The following RSRC1 variants were observed in gnomAD, a reference collection of about 807,000 sequenced individuals.
RSRC1 encodes arginine and serine rich coiled-coil 1, also known as serine/Arginine-related protein 53.
Under a neutral mutation model 49.1 loss-of-function variants are expected in RSRC1, and 39 were observed. The observed-to-expected ratio is 0.79, with a 90% CI of 0.61 to 1.04. The LOEUF is 1.04. RSRC1 is among the 50% of genes least tolerant of loss of function. The probability of loss-of-function intolerance (pLI) is 0.00; values close to 1 mark genes in which losing one functional copy is unlikely to be tolerated. For synonymous variants in RSRC1, 143 were observed against 130.8 expected, an observed-to-expected ratio of 1.09 and a Z score of -0.63; for missense variants, 388 against 402.4, an observed-to-expected ratio of 0.96 and a Z score of 0.31.
At chr3:158,332,094 A>C (rs1306438659) in intron 5 of RSRC1, among the ~76,000 whole-genome samples, 1 of 152,130 alleles carries the variant, frequency 6.6e-6, no homozygotes, top group African/African-American at 2.4e-5. Flanking sequence ...TGATTGTTTT[A>C]GAATGAAAGC....
At chr3:158,197,143 G>T (rs1473412376) in intron 3 of RSRC1, among the ~76,000 whole-genome samples, 1 of 152,084 alleles carries the variant, frequency 6.6e-6, no homozygotes, top group Non-Finnish European at 1.5e-5. Flanking sequence ...GACTGTTTTT[G>T]GTTGGTAAGC....
chr3:158,296,595 C>T (rs1578303553), intron 4 of RSRC1, among the ~76,000 whole-genome samples: 1 of 151,738 alleles, frequency 6.6e-6, no homozygotes, highest in African/African-American at 2.4e-5. Flanking sequence ...CTTCCAGCTC[C>T]GATAAATGCA....
intron 3 of RSRC1, among the ~76,000 whole-genome samples, chr3:158,174,980 T>G (rs1719115868): frequency 6.6e-6 from 1 of 152,064 alleles, no homozygotes; most frequent in South Asian, 2.1e-4. Flanking sequence ...CTGCCAACAT[T>G]TGCTATTGTC....
Position 158,203,148 on chromosome 3 carries a change from T to C in RSRC1, c.397T>C (p.Ser133Pro). 6.2e-7 allele frequency: 1 copy of C among 1,613,768 alleles called. No homozygotes were observed. The highest frequency in any genetic ancestry group is 8.5e-7 in the Non-Finnish European group (1 of 1,179,868). ...RSSHRRTRSRSRDRERRKGRD... is the reference protein window; with the variant it reads ...RSSHRRTRSRPRDRERRKGRD... ...CAGTCACAGAAGAACGCGTAGTCGG[T>C]CTCGGGATAGAGAACGACGTAAGGG... is the stretch of plus-strand genomic sequence containing the variant. The change falls in exon 4 of 10, where the codon TCT becomes CCT. Residue 133 changes from serine to proline, a missense_variant. Physicochemically the swap from Ser to Pro is moderately conservative, Grantham distance 74. Transcript: ENST00000611884.
At chr3:158,237,873 T>C (rs1171313377) in intron 4 of RSRC1, among the ~76,000 whole-genome samples, 1 of 152,212 alleles carries the variant, frequency 6.6e-6, no homozygotes, top group Non-Finnish European at 1.5e-5. Flanking sequence ...AGGGCATTGC[T>C]GTCTTGTGCC....
At chr3:158,264,527 G>C (rs958178818) in intron 4 of RSRC1, among the ~76,000 whole-genome samples, 1 of 152,136 alleles carries the variant, frequency 6.6e-6, no homozygotes, top group African/African-American at 2.4e-5. Context: ...GGGTCACGCA[G>C]GTTGATGGTG....
At chr3:158,338,357 G>A (rs1022977700) in intron 5 of RSRC1, among the ~76,000 whole-genome samples, 1 of 152,134 alleles carries the variant, frequency 6.6e-6, no homozygotes, top group South Asian at 2.1e-4. Context: ...TTGGTACTAA[G>A]TTCTAGAGGC....
intron 3 of RSRC1, among the ~76,000 whole-genome samples, chr3:158,150,635 T>C (rs541439410): frequency 6.6e-6 from 1 of 152,274 alleles, no homozygotes; most frequent in East Asian, 1.9e-4. Flanking sequence ...TGTAAGAGAC[T>C]ATAAGAGAGG....
chr3:158,180,666 C>T (rs1719545728), intron 3 of RSRC1, among the ~76,000 whole-genome samples: 1 of 151,350 alleles, frequency 6.6e-6, no homozygotes, highest in Non-Finnish European at 1.5e-5. Context: ...GGGGTTTCGC[C>T]ATGTCGTCCA....
intron 1 of RSRC1, among the ~76,000 whole-genome samples, chr3:158,121,878 T>A (rs1715282650): frequency 1.3e-5 from 2 of 152,124 alleles, no homozygotes; most frequent in Admixed American, 1.3e-4. Context: ...TGGTGGCTCA[T>A]GCCTGTAGTC....
At chr3:158,131,380 C>T (rs895917411) in intron 3 of RSRC1, among the ~76,000 whole-genome samples, 2 of 151,894 alleles carry the variant, frequency 1.3e-5, no homozygotes, top group African/African-American at 4.8e-5. Context: ...TTGGTTGTCA[C>T]TTATCTCTTG....
At chr3:158,196,430 A>G (rs530915306) in intron 3 of RSRC1, among the ~76,000 whole-genome samples, 2 of 152,340 alleles carry the variant, frequency 1.3e-5, no homozygotes, top group East Asian at 1.9e-4. Context: ...TAGATATACA[A>G]TCACGTCATC....
chr3:158,144,529 T>G (rs947057416), intron 3 of RSRC1, among the ~76,000 whole-genome samples: 3 of 152,226 alleles, frequency 2.0e-5, no homozygotes, highest in African/African-American at 7.2e-5. Context: ...TAATCCAGTC[T>G]ATCACTGATG....
chr3:158,525,830 C>A (rs1306320072), intron 7 of RSRC1, among the ~76,000 whole-genome samples: 1 of 151,842 alleles, frequency 6.6e-6, no homozygotes, highest in African/African-American at 2.4e-5. Flanking sequence ...CTAGAAAATG[C>A]AGACTAATCT....
At chr3:158,409,303 T>A (rs893194690) in intron 6 of RSRC1, among the ~76,000 whole-genome samples, 10 of 152,150 alleles carry the variant, frequency 6.6e-5, no homozygotes, top group African/African-American at 1.9e-4. Context: ...AATGCTGCAT[T>A]TGAATTCACA....
intron 7 of RSRC1, among the ~76,000 whole-genome samples, chr3:158,506,443 G>A (rs1011247825): frequency 2.6e-5 from 4 of 151,908 alleles, no homozygotes; most frequent in South Asian, 2.1e-4. Context: ...AGGGAGGTGG[G>A]TATTTAGAGA....
At chr3:158,181,888 T>C (rs1048406948) in intron 3 of RSRC1, among the ~76,000 whole-genome samples, 5 of 152,200 alleles carry the variant, frequency 3.3e-5, no homozygotes, top group Admixed American at 3.3e-4. Flanking sequence ...GTGCATTTTT[T>C]TGTGAAGGCA....
intron 5 of RSRC1, among the ~76,000 whole-genome samples, chr3:158,305,813 T>C (rs1727805877): frequency 6.6e-6 from 1 of 152,098 alleles, no homozygotes; most frequent in African/African-American, 2.4e-5. Context: ...CAGAATATTG[T>C]GATTTTACTG....
At chr3:158,403,297 A>T (rs1733986988) in intron 6 of RSRC1, among the ~76,000 whole-genome samples, 1 of 151,832 alleles carries the variant, frequency 6.6e-6, no homozygotes, top group African/African-American at 2.4e-5. Context: ...CTTTCTTTTA[A>T]TGGACTGGAA....
Sources: gnomAD v4.1 joint callset for allele counts (sites outside exome capture counted in the v4.1 genomes callset) on GRCh38, gnomAD v4.1.1 for gene constraint, MANE v1.5 for transcripts, NCBI Gene and HGNC (gene_info 2026-07-23, HGNC 2026-07-21) for gene names.